The following TOX variants were observed in gnomAD, a reference collection of about 807,000 sequenced individuals.
TOX encodes thymocyte selection associated high mobility group box, also known as thymocyte selection-associated high mobility group box protein TOX.
TOX carries 11 observed loss-of-function variants against 53.7 expected under a neutral mutation model. That is an observed-to-expected ratio of 0.20 (90% CI 0.13 to 0.34). The LOEUF is 0.34. Among genes scored for constraint, TOX ranks in the 10% least tolerant of loss-of-function variants. The pLI is 1.00. For missense variants in TOX, 570 were observed against 664.6 expected (o/e 0.86, Z 1.56); for synonymous variants, 225 against 245.3 (o/e 0.92, Z 0.77).
chr8:59,025,793 T>C (rs544954500), intron 1 of TOX, among the ~76,000 whole-genome samples: 3 of 152,280 alleles, frequency 2.0e-5, no homozygotes, highest in Admixed American at 6.5e-5. Flanking sequence ...TCATTGTCAC[T>C]GCACTTCTCA....
chr8:58,998,519 A>AAATT (rs1304925640), intron 1 of TOX, among the ~76,000 whole-genome samples: 1,271 of 120,748 alleles, frequency 0.011, 21 homozygotes, highest in South Asian at 0.016. Context: ...ATATATATAT[A>AAATT]TATATATATA....
At chr8:58,930,701 A>G (rs983325381) in intron 3 of TOX, among the ~76,000 whole-genome samples, 4 of 152,178 alleles carry the variant, frequency 2.6e-5, no homozygotes, top group Admixed American at 2.6e-4. Flanking sequence ...GCCTGGACAG[A>G]TCCTCCAGGT....
At chr8:59,052,192 A>T (rs777738523) in intron 1 of TOX, among the ~76,000 whole-genome samples, 2 of 152,236 alleles carry the variant, frequency 1.3e-5, no homozygotes, top group Non-Finnish European at 2.9e-5. Flanking sequence ...ATGGGAACAC[A>T]TTAAAGTATC....
chr8:59,104,197 T>A (rs1804855276), intron 1 of TOX, among the ~76,000 whole-genome samples: 1 of 152,108 alleles, frequency 6.6e-6, no homozygotes, highest in Non-Finnish European at 1.5e-5. Context: ...ACCCCAACTT[T>A]CCCCAGCACA....
At chr8:59,102,627 A>G (rs1804826451) in intron 1 of TOX, among the ~76,000 whole-genome samples, 2 of 152,136 alleles carry the variant, frequency 1.3e-5, no homozygotes, top group South Asian at 4.1e-4. Flanking sequence ...ATCATCTCCC[A>G]CCAGGTCTCT....
chr8:59,080,121 T>C (rs1175721243), intron 1 of TOX, among the ~76,000 whole-genome samples: 1 of 152,062 alleles, frequency 6.6e-6, no homozygotes, highest in Non-Finnish European at 1.5e-5. Flanking sequence ...TAGCTGGGAT[T>C]ATAGGGATGC....
intron 3 of TOX, among the ~76,000 whole-genome samples, chr8:58,854,237 C>T (rs979150236): frequency 1.3e-5 from 2 of 152,178 alleles, no homozygotes; most frequent in Non-Finnish European, 2.9e-5. Flanking sequence ...TCCCAAGTTA[C>T]AAAACACGTA....
intron 1 of TOX, among the ~76,000 whole-genome samples, chr8:59,000,123 T>C (rs933002351): frequency 6.6e-6 from 1 of 152,142 alleles, no homozygotes; most frequent in Non-Finnish European, 1.5e-5. Context: ...TAGAATTTGA[T>C]CTAAAGAAAT....
intron 7 of TOX, among the ~76,000 whole-genome samples, chr8:58,811,988 G>A (rs1220346991): frequency 6.6e-6 from 1 of 152,170 alleles, no homozygotes; most frequent in Non-Finnish European, 1.5e-5. Context: ...TACAGTTGCT[G>A]TTAACGTTCT....
At chr8:58,971,344 A>T (rs1443462630) in intron 1 of TOX, among the ~76,000 whole-genome samples, 1 of 152,218 alleles carries the variant, frequency 6.6e-6, no homozygotes, top group African/African-American at 2.4e-5. Flanking sequence ...GGACAAAATG[A>T]GGACAGATTC....
chr8:58,998,520 T>TA (rs1813612805), intron 1 of TOX, among the ~76,000 whole-genome samples: 1 of 119,620 alleles, frequency 8.4e-6, no homozygotes, highest in African/African-American at 3.4e-5. Context: ...TATATATATA[T>TA]ATATATATAT....
chr8:59,084,701 A>G (rs986446816), intron 1 of TOX, among the ~76,000 whole-genome samples: 3 of 152,182 alleles, frequency 2.0e-5, no homozygotes, highest in Admixed American at 2.0e-4. Flanking sequence ...TGCTCCTTAT[A>G]GTGTTTTACA....
intron 1 of TOX, among the ~76,000 whole-genome samples, chr8:59,013,411 G>GC (rs1483881356): frequency 1.9e-5 from 1 of 52,716 alleles, no homozygotes; most frequent in Non-Finnish European, 3.8e-5. Context: ...TATCAGATAG[G>GC]CCTTTTTTTT....
At chr8:58,838,008 C>T (rs2129166914) in intron 5 of TOX, 73 bp downstream of exon 5, 1 of 1,421,032 alleles carries the variant, frequency 7.0e-7, no homozygotes, top group Non-Finnish European at 9.8e-7. Context: ...TTACCCCAAG[C>T]CCTGGGAGGC....
At chr8:59,064,880 C>G (rs539768250) in intron 1 of TOX, among the ~76,000 whole-genome samples, 1 of 152,146 alleles carries the variant, frequency 6.6e-6, no homozygotes, top group Admixed American at 6.5e-5. Flanking sequence ...AATGAAAGAA[C>G]CATTCTAATG....
intron 1 of TOX, among the ~76,000 whole-genome samples, chr8:58,998,527 ATATATATAT>A (rs1238038394): frequency 2.5e-5 from 1 of 40,224 alleles, no homozygotes; most frequent in African/African-American, 6.6e-5. Flanking sequence ...ATATATATAT[ATATATATAT>A]ATAAATTTAT....
chr8:59,092,281 AT>A (rs377134635), intron 1 of TOX, among the ~76,000 whole-genome samples: 5 of 111,118 alleles, frequency 4.5e-5, no homozygotes, highest in Admixed American at 1.0e-4. Flanking sequence ...ATATATATAT[AT>A]TATATATACA....
intron 1 of TOX, among the ~76,000 whole-genome samples, chr8:59,062,579 A>T (rs1804005014): frequency 1.3e-5 from 2 of 152,228 alleles, no homozygotes; most frequent in Admixed American, 1.3e-4. Context: ...GATGACAATG[A>T]TGAACTGTTC....
intron 1 of TOX, among the ~76,000 whole-genome samples, chr8:59,066,776 C>A (rs1005663576): frequency 5.9e-5 from 9 of 152,176 alleles, no homozygotes; most frequent in Non-Finnish European, 1.3e-4. Context: ...AAGTTCTCCC[C>A]AAGAGTCTAA....
Sources: allele counts gnomAD v4.1 joint callset (sites outside exome capture counted in the v4.1 genomes callset), GRCh38; gene constraint gnomAD v4.1.1; transcripts MANE v1.5; gene names NCBI Gene and HGNC (gene_info 2026-07-23, HGNC 2026-07-21).